Variants in YPEL2 observed in about 807,000 individuals in gnomAD.
YPEL2 encodes yippee like 2, also known as protein yippee-like 2.
Under a neutral mutation model 19.1 loss-of-function variants are expected in YPEL2, and 2 were observed. The ratio of observed to expected loss-of-function variants is 0.10; its 90% CI spans 0.04 to 0.33. YPEL2 has a LOEUF of 0.33. Among genes scored for constraint, YPEL2 ranks in the 10% least tolerant of loss-of-function variants. The pLI, the probability that YPEL2 is intolerant of heterozygous loss-of-function variation, is 1.00. For synonymous variants in YPEL2, 52 were observed against 50.0 expected (o/e 1.04, Z -0.17); for missense variants, 66 against 140.7 (o/e 0.47, Z 2.68).
chr17:59,365,767 C>T (rs1390144445), intron 2 of YPEL2, among the ~76,000 whole-genome samples: 4 of 152,172 alleles, frequency 2.6e-5, no homozygotes, highest in Non-Finnish European at 5.9e-5. Flanking sequence ...CTGTTTCCCT[C>T]CTCTCCCTGG....
intron 2 of YPEL2, among the ~76,000 whole-genome samples, chr17:59,371,060 A>G (rs940331281): frequency 1.3e-5 from 2 of 152,116 alleles, no homozygotes; most frequent in African/African-American, 4.8e-5. Context: ...AGCTCCTGTG[A>G]AGCACAGGCC....
At chr17:59,381,742 C>A (rs1279821486) in intron 2 of YPEL2, among the ~76,000 whole-genome samples, 1 of 152,138 alleles carries the variant, frequency 6.6e-6, no homozygotes, top group Admixed American at 6.5e-5. Flanking sequence ...GCTTAAAAAA[C>A]AAAACAAAAA....
chr17:59,378,754 A>G (rs1265115360), intron 2 of YPEL2, among the ~76,000 whole-genome samples: 1 of 152,182 alleles, frequency 6.6e-6, no homozygotes, highest in East Asian at 1.9e-4. Flanking sequence ...GACTCCACAC[A>G]GCAGATATTT....
chr17:59,353,406 AC>A lies in YPEL2; in HGVS notation c.-2del. On this transcript the variant is annotated 5_prime_UTR_variant, in exon 2 of 5. Transcript: ENST00000312655. This position sits in a 1 kb window ranked among gnomAD's most constrained non-coding sequence, Gnocchi z 4.8. ...CAGAGTTCACCCCACACTCAGCAGC[AC>A]CAATGGTGAAGATGACAAGATCGAA... 6.3e-7 allele frequency: 1 copy of A among 1,579,484 alleles called. No individual in the cohort carries two copies. The highest frequency in any genetic ancestry group is 8.6e-7 in the Non-Finnish European group (1 of 1,161,212).
At chr17:59,390,007 T>G (rs1255058013) in intron 4 of YPEL2, among the ~76,000 whole-genome samples, 1 of 152,122 alleles carries the variant, frequency 6.6e-6, no homozygotes, top group African/African-American at 2.4e-5. Flanking sequence ...TTATTTTATT[T>G]TATTTTATTT....
At chr17:59,337,709 A>G (rs1210527946) in intron 1 of YPEL2, among the ~76,000 whole-genome samples, 1 of 152,068 alleles carries the variant, frequency 6.6e-6, no homozygotes, top group Non-Finnish European at 1.5e-5. Context: ...AATTTTTTCT[A>G]GTGTTAACCT....
At chr17:59,365,577 G>T (rs905084028) in intron 2 of YPEL2, among the ~76,000 whole-genome samples, 1 of 152,212 alleles carries the variant, frequency 6.6e-6, no homozygotes, top group Non-Finnish European at 1.5e-5. Flanking sequence ...GACACTTCGG[G>T]TGGGGGGGAA....
intron 2 of YPEL2, chr17:59,355,713 T>C (rs779527767): frequency 5.3e-5 from 8 of 152,078 alleles, no homozygotes; most frequent in Non-Finnish European, 1.2e-4. Context: ...GATAAATGAA[T>C]AGATGGAGGT....
intron 4 of YPEL2, among the ~76,000 whole-genome samples, chr17:59,392,685 T>A (rs866143970): frequency 2.0e-5 from 3 of 152,014 alleles, no homozygotes; most frequent in Non-Finnish European, 4.4e-5. Flanking sequence ...TAATTTTTTT[T>A]CTATTTTTAG....
intron 2 of YPEL2, among the ~76,000 whole-genome samples, chr17:59,365,763 C>A (rs2047865625): frequency 6.6e-6 from 1 of 152,280 alleles, no homozygotes; most frequent in Admixed American, 6.5e-5. Flanking sequence ...TTAGCTGTTT[C>A]CCTCCTCTCC....
Position 59,397,881 on chromosome 17 carries a change from T to C in YPEL2, c.*691T>C, listed in dbSNP as rs1401968240. 2.6e-5 allele frequency: 4 copies of C among 152,164 alleles called. No homozygotes were observed. Among genetic ancestry groups the C allele is most frequent in the Non-Finnish European group, 5.9e-5 (4 of 68,116 alleles). The allele number at this position is 152,164 out of a possible 1,614,324, so 9.4% of individuals were successfully genotyped here. A position where few individuals can be genotyped will look rare whatever the true frequency, so the allele number is the denominator to read the frequency against. ...TGGCAGCAGCGAGTGACCTGGGCAG[T>C]GGCCAGGTGGGTGCGATGACTCTGA... On this transcript the variant is annotated 3_prime_UTR_variant, in exon 5 of 5. Coordinates refer to ENST00000312655, the MANE Select transcript of YPEL2 (RefSeq NM_001005404.4).
chr17:59,396,431 C>T (rs1245354526), intron 4 of YPEL2, among the ~76,000 whole-genome samples: 1 of 152,102 alleles, frequency 6.6e-6, no homozygotes, highest in Non-Finnish European at 1.5e-5. Context: ...GTGAAGAAAA[C>T]TAAAGCAGGG....
chr17:59,339,947 T>A (rs1157032039), intron 1 of YPEL2, among the ~76,000 whole-genome samples: 1 of 151,998 alleles, frequency 6.6e-6, no homozygotes, highest in African/African-American at 2.4e-5. Context: ...CCTACCTTCC[T>A]CCAACCAAGG....
At chr17:59,379,947 A>C (rs1598047419) in intron 2 of YPEL2, among the ~76,000 whole-genome samples, 1 of 150,114 alleles carries the variant, frequency 6.7e-6, no homozygotes, top group Non-Finnish European at 1.5e-5. Flanking sequence ...TGTAACCTCT[A>C]CCTCCCGGGT....
intron 1 of YPEL2, among the ~76,000 whole-genome samples, chr17:59,339,494 C>A (rs2047716838): frequency 1.3e-5 from 2 of 152,122 alleles, no homozygotes; most frequent in African/African-American, 4.8e-5. Flanking sequence ...TGTTTTCTCC[C>A]ATTTCGGCAA....
chr17:59,367,570 G>T (rs1184919066), intron 2 of YPEL2, among the ~76,000 whole-genome samples: 1 of 152,186 alleles, frequency 6.6e-6, no homozygotes, highest in Non-Finnish European at 1.5e-5. Flanking sequence ...CCTTGGACTG[G>T]TTTACTTAAC....
At chr17:59,341,400 A>AAGGCCAGGC (rs2047729767) in intron 1 of YPEL2, among the ~76,000 whole-genome samples, 1 of 143,264 alleles carries the variant, frequency 7.0e-6, no homozygotes, top group African/African-American at 2.6e-5. Flanking sequence ...TCAAAAAAAA[A>AAGGCCAGGC]AGGCCAGGCG....
chr17:59,355,179 C>G (rs1205616308), intron 2 of YPEL2: 2 of 152,162 alleles, frequency 1.3e-5, no homozygotes, highest in African/African-American at 4.8e-5. Context: ...CATATGAAGT[C>G]TTTAAGGTAG....
chr17:59,353,910 A>G lies in YPEL2; in HGVS notation c.117+384A>G. The G allele has an allele frequency of 3.3e-6, 1 of 307,300 alleles. No individual in the cohort carries two copies. Among genetic ancestry groups the G allele is most frequent in the South Asian group, 2.8e-5 (1 of 35,100 alleles). The allele number at this position is 307,300 out of a possible 1,614,324, so 19.0% of individuals were successfully genotyped here. On this transcript the variant is annotated intron_variant, in intron 2 of 4. Transcript: ENST00000312655. The surrounding 1 kb of genome is among the most constrained non-coding windows in gnomAD (Gnocchi z 4.8). ...ATAAAGCAGGGGAATGTCTTGTAAG[A>G]GGGGTTCCTTAGCAAGATGAGAGAG...
Sources: gnomAD v4.1 joint callset for allele counts (sites outside exome capture counted in the v4.1 genomes callset) on GRCh38, gnomAD v4.1.1 for gene constraint, Gnocchi (gnomAD v3.1) non-coding constraint, MANE v1.5 for transcripts, NCBI Gene and HGNC (gene_info 2026-07-23, HGNC 2026-07-21) for gene names.